The following MCPH1 variants were observed in gnomAD, a reference collection of about 807,000 sequenced individuals.
MCPH1 encodes microcephalin 1.
In MCPH1, 104 loss-of-function variants were observed where a neutral mutation model predicts 84.5. The observed-to-expected ratio is 1.23, with a 90% CI of 1.05 to 1.45. The LOEUF (loss-of-function observed/expected upper bound fraction) is 1.45, where lower values mean the gene tolerates loss of function less well. MCPH1 is among the 40% of genes most tolerant of loss of function. MCPH1 has a pLI of 0.00. For missense variants in MCPH1, 1,498 were observed against 1,005.7 expected (o/e 1.49, Z -6.62); for synonymous variants, 514 against 366.8 (o/e 1.40, Z -4.58).
chr8:6,600,844 G>T (rs1829304122), intron 12 of MCPH1, among the ~76,000 whole-genome samples: 1 of 152,180 alleles, frequency 6.6e-6, no homozygotes, highest in Admixed American at 6.5e-5. Flanking sequence ...CCCATCAAGG[G>T]TGAGTGCATT....
At chr8:6,639,958 C>T (rs1465717412) in intron 13 of MCPH1, among the ~76,000 whole-genome samples, 1 of 152,036 alleles carries the variant, frequency 6.6e-6, no homozygotes, top group East Asian at 1.9e-4. Flanking sequence ...AGGCTGGCCT[C>T]AAACTCTTGG....
At chr8:6,460,963 C>T (rs144030561) in intron 9 of MCPH1, among the ~76,000 whole-genome samples, 49 of 152,262 alleles carry the variant, frequency 3.2e-4, no homozygotes, top group Admixed American at 4.6e-4. Flanking sequence ...TTCCTGGAGA[C>T]GATGGGTGAA....
At chr8:6,538,927 T>A (rs1272360615) in intron 12 of MCPH1, among the ~76,000 whole-genome samples, 1 of 152,222 alleles carries the variant, frequency 6.6e-6, no homozygotes, top group African/African-American at 2.4e-5. Flanking sequence ...GACCTAATGT[T>A]CTTGGTTCCC....
At chr8:6,498,593 A>G (rs1811561951) in intron 11 of MCPH1, among the ~76,000 whole-genome samples, 1 of 152,188 alleles carries the variant, frequency 6.6e-6, no homozygotes, top group South Asian at 2.1e-4. Context: ...TTGACTTTTT[A>G]ATGTGGATTA....
At chr8:6,466,190 G>A (rs932388335) in intron 9 of MCPH1, among the ~76,000 whole-genome samples, 3 of 143,522 alleles carry the variant, frequency 2.1e-5, no homozygotes, top group Non-Finnish European at 3.0e-5. Context: ...AGGCTGGAGT[G>A]CAGTTGCGCG....
chr8:6,410,252 G>C (rs946295766), intron 2 of MCPH1, among the ~76,000 whole-genome samples: 1 of 151,966 alleles, frequency 6.6e-6, no homozygotes, highest in Non-Finnish European at 1.5e-5. Context: ...GGGATTACAG[G>C]CATGAGCCAC....
At chr8:6,515,831 G>T (rs1816157746) in intron 12 of MCPH1, among the ~76,000 whole-genome samples, 1 of 152,270 alleles carries the variant, frequency 6.6e-6, no homozygotes, top group African/African-American at 2.4e-5. Flanking sequence ...AAGCTTCAAC[G>T]CACACTGTTC....
chr8:6,611,910 G>A (rs1033779395), intron 12 of MCPH1, among the ~76,000 whole-genome samples: 3 of 152,328 alleles, frequency 2.0e-5, no homozygotes, highest in Middle Eastern at 3.4e-3. Flanking sequence ...GAGCCACCGC[G>A]CCCGGCCTGA....
chr8:6,550,349 G>A (rs1438089836), intron 12 of MCPH1, among the ~76,000 whole-genome samples: 1 of 152,150 alleles, frequency 6.6e-6, no homozygotes, highest in African/African-American at 2.4e-5. Context: ...TGTGGCGTGG[G>A]GCTGTTGCAC....
intron 13 of MCPH1, among the ~76,000 whole-genome samples, chr8:6,631,807 A>G (rs1797182843): frequency 6.6e-6 from 1 of 152,248 alleles, no homozygotes; most frequent in African/African-American, 2.4e-5. Flanking sequence ...AAGTAGAATT[A>G]CTGTATGATC....
At chr8:6,556,895 A>C (rs1409452127) in intron 12 of MCPH1, among the ~76,000 whole-genome samples, 3 of 152,002 alleles carry the variant, frequency 2.0e-5, no homozygotes, top group Admixed American at 2.0e-4. Flanking sequence ...GGCTTTAGGC[A>C]TTTTCTTCCC....
chr8:6,591,149 G>A (rs1046793460), intron 12 of MCPH1, among the ~76,000 whole-genome samples: 1 of 152,212 alleles, frequency 6.6e-6, no homozygotes, highest in African/African-American at 2.4e-5. Context: ...AGCCCGCCTT[G>A]GCCTCCCAAC....
rs74448908 is a variant in MCPH1 at position 6,438,824 on chromosome 8, G to A, written c.437-129G>A. 22,030 of 769,480 alleles carry A rather than the reference G, an allele frequency of 0.029. 1,282 individuals are homozygous for A. The highest frequency in any genetic ancestry group is 0.19 in the African/African-American group (11,381 of 58,526). 47.7% of individuals were successfully genotyped at this position (769,480 alleles called of 1,614,324 possible). Reference sequence around the variant, plus strand: ...AGGTGGTGGAGGTAGAATATTAGCAGGAGTAGGTAATGATGTTGAAAGGGA... The same window carrying A: ...AGGTGGTGGAGGTAGAATATTAGCAAGAGTAGGTAATGATGTTGAAAGGGA... On this transcript the variant is annotated intron_variant, in intron 5 of 13. Coordinates refer to ENST00000344683, the MANE Select transcript of MCPH1 (RefSeq NM_024596.5).
chr8:6,498,522 C>G (rs1055604121), intron 11 of MCPH1, among the ~76,000 whole-genome samples: 1 of 152,172 alleles, frequency 6.6e-6, no homozygotes, highest in African/African-American at 2.4e-5. Flanking sequence ...GTTTTCTTAA[C>G]ATTTAGAAAC....
chr8:6,499,664 A>C, intron 11 of MCPH1, 188 bp from the exon 12 acceptor site: 1 of 564,048 alleles, frequency 1.8e-6, no homozygotes, highest in Non-Finnish European at 3.2e-6. Context: ...TTCTCAATCA[A>C]CTTTTTATTA....
intron 12 of MCPH1, among the ~76,000 whole-genome samples, chr8:6,512,309 C>G (rs1449504397): frequency 6.6e-6 from 1 of 152,180 alleles, no homozygotes; most frequent in Non-Finnish European, 1.5e-5. Context: ...CCACAATCCT[C>G]CCCTGGGCAG....
chr8:6,514,133 C>G (rs1302216656), intron 12 of MCPH1, among the ~76,000 whole-genome samples: 1 of 152,180 alleles, frequency 6.6e-6, no homozygotes, highest in Non-Finnish European at 1.5e-5. Context: ...ATGTGAAGCA[C>G]CATTAAACAG....
At chr8:6,539,784 G>A (rs538363964) in intron 12 of MCPH1, among the ~76,000 whole-genome samples, 15 of 152,188 alleles carry the variant, frequency 9.9e-5, no homozygotes, top group African/African-American at 3.4e-4. Flanking sequence ...ATGGGGCTTC[G>A]CCATGTTGGT....
At chr8:6,636,200 C>A (rs749731765) in intron 13 of MCPH1, among the ~76,000 whole-genome samples, 1 of 152,002 alleles carries the variant, frequency 6.6e-6, no homozygotes, top group African/African-American at 2.4e-5. Context: ...ATTAGCCGGG[C>A]GTGATGGCAC....
Sources: allele counts gnomAD v4.1 joint callset (sites outside exome capture counted in the v4.1 genomes callset), GRCh38; gene constraint gnomAD v4.1.1; transcripts MANE v1.5; gene names NCBI Gene and HGNC (gene_info 2026-07-23, HGNC 2026-07-21).